PKHD1: variants seen among roughly 807,000 people sequenced by gnomAD.
PKHD1 encodes PKHD1 ciliary IPT domain containing fibrocystin/polyductin.
Under a neutral mutation model 412.0 loss-of-function variants are expected in PKHD1, and 291 were observed. The observed-to-expected ratio is 0.71, with a 90% CI of 0.64 to 0.78. The LOEUF is 0.78. Among genes scored for constraint, PKHD1 ranks in the 30% least tolerant of loss-of-function variants. PKHD1 has a pLI of 0.00. For synonymous variants in PKHD1, 1,777 were observed against 1,821.5 expected (o/e 0.98, Z 0.62); for missense variants, 4,825 against 4,950.7 (o/e 0.97, Z 0.76).
At position 52,082,473 on chromosome 6, in the gene PKHD1, A is replaced by G. The variant is rs1467422552; in HGVS notation, c.200T>C (p.Met67Thr). Reference sequence around the variant, plus strand: ...AACACTCCGCAGTGCGGGCACCACCATGTTCACGTTCACCAGGTGTATCTC... The same window carrying G: ...AACACTCCGCAGTGCGGGCACCACCGTGTTCACGTTCACCAGGTGTATCTC... ...QLEIHLVNVN[M>T]VVPALRSVPC... The change falls in exon 4 of 67, where the codon ATG (methionine) becomes ACG (threonine). Residue 67 changes from methionine (M) to threonine (T), a missense_variant. Met to Thr is a moderately conservative substitution (Grantham distance 81). Coordinates refer to ENST00000371117, the MANE Select transcript of PKHD1 (RefSeq NM_138694.4). 6.2e-7 allele frequency: 1 copy of G among 1,613,958 alleles called. No individual in the cohort carries two copies. Among genetic ancestry groups the G allele is most frequent in the South Asian group, 1.1e-5 (1 of 91,074 alleles).
chr6:52,003,182 T>C (rs891818405), intron 35 of PKHD1, among the ~76,000 whole-genome samples: 4 of 152,198 alleles, frequency 2.6e-5, no homozygotes, highest in Non-Finnish European at 5.9e-5. Flanking sequence ...GAGATATGCA[T>C]TGAAGAGTCT....
intron 35 of PKHD1, among the ~76,000 whole-genome samples, chr6:51,982,258 A>C (rs1795505237): frequency 2.2e-5 from 1 of 45,124 alleles, no homozygotes; most frequent in East Asian, 5.7e-4. Context: ...AGCCGCCCCT[A>C]CTGGGAAGTG....
chr6:51,991,226 A>G (rs150342439), intron 35 of PKHD1, among the ~76,000 whole-genome samples: 1 of 152,374 alleles, frequency 6.6e-6, no homozygotes, highest in African/African-American at 2.4e-5. Flanking sequence ...CCTTATAAAC[A>G]TAAACTTTAA....
intron 53 of PKHD1, 114 bp downstream of exon 53, chr6:51,791,122 A>T: frequency 9.6e-7 from 1 of 1,043,448 alleles, no homozygotes; most frequent in Non-Finnish European, 1.5e-6. Flanking sequence ...CTACTACCTT[A>T]ACCCTCCCTA....
intron 60 of PKHD1, among the ~76,000 whole-genome samples, chr6:51,733,231 A>C (rs547032460): frequency 8.5e-4 from 129 of 152,246 alleles, no homozygotes; most frequent in African/African-American, 2.7e-3. Context: ...AATACCACTG[A>C]ACTGTACACT....
At chr6:51,951,711 A>G (rs768158090) in intron 36 of PKHD1, among the ~76,000 whole-genome samples, 31 of 152,138 alleles carry the variant, frequency 2.0e-4, no homozygotes, top group Admixed American at 2.0e-3. Context: ...AGTCCCCAAC[A>G]TATTTTTATC....
chr6:52,050,382 T>C (rs183755619), intron 21 of PKHD1, 87 bp from the exon 22 acceptor site: 52 of 1,308,266 alleles, frequency 4.0e-5, no homozygotes, highest in Non-Finnish European at 4.7e-5. Context: ...TGTGAGTTAC[T>C]CAGATCTCAG....
chr6:51,932,766 A>G lies in PKHD1; in HGVS notation c.6121+1344T>C, dbSNP rs887435242. On this transcript the variant is annotated intron_variant, in intron 37 of 66. Transcript: ENST00000371117. ...GGTATTTTTAACCTCACAAAATTTGATCCCCAGTGTCTAGCACACTGGGTA... is the reference window on the plus strand; with the variant it reads ...GGTATTTTTAACCTCACAAAATTTGGTCCCCAGTGTCTAGCACACTGGGTA... Among the ~76,000 whole-genome samples the G allele has an allele frequency of 1.3e-4, 20 of 152,162 alleles. 1 individual carries two copies. Among genetic ancestry groups the G allele is most frequent in the African/African-American group, 4.8e-4 (20 of 41,448 alleles).
At chr6:52,023,029 C>T in intron 32 of PKHD1, 85 bp from the exon 33 acceptor site, 4 of 1,480,126 alleles carry the variant, frequency 2.7e-6, no homozygotes, top group Non-Finnish European at 3.8e-6. Flanking sequence ...TTTGCTTCCT[C>T]ACTACCCATT....
chr6:51,904,502 AT>A (rs1414863253), intron 41 of PKHD1, among the ~76,000 whole-genome samples: 3 of 152,104 alleles, frequency 2.0e-5, no homozygotes, highest in Admixed American at 6.6e-5. Context: ...TAATAGAGAA[AT>A]TAGTCACTTA....
chr6:51,701,864 G>A (rs1466389502), intron 60 of PKHD1, among the ~76,000 whole-genome samples: 1 of 151,486 alleles, frequency 6.6e-6, no homozygotes, highest in Non-Finnish European at 1.5e-5. Context: ...TGGCCAAGAG[G>A]AAAAATCAAG....
At chr6:51,815,409 C>T (rs1765289863) in intron 52 of PKHD1, among the ~76,000 whole-genome samples, 1 of 151,656 alleles carries the variant, frequency 6.6e-6, no homozygotes, top group Admixed American at 6.6e-5. Context: ...AGAAGAGGTG[C>T]CACCAAGTTG....
rs1405636454 is a variant in PKHD1 at position 52,010,360 on chromosome 6, T to A, written c.5700A>T (p.Pro1900=). Residue 1900 remains proline, a synonymous_variant, in exon 35 of 67, where the codon CCA becomes CCT. Transcript: ENST00000371117. Reference sequence around the variant, plus strand: ...GTATCTCAGTAATCTTGACGGTAATTGGCTGATTGGGCGTCTCACACTCCA... The same window carrying A: ...GTATCTCAGTAATCTTGACGGTAATAGGCTGATTGGGCGTCTCACACTCCA... ...AEMECETPNQ[P]ITVKITEIRK... 4 of 1,613,768 alleles carry A rather than the reference T, an allele frequency of 2.5e-6. No individual in the cohort carries two copies. Among genetic ancestry groups the A allele is most frequent in the Non-Finnish European group, 3.4e-6 (4 of 1,179,718 alleles).
chr6:52,072,627 A>G (rs896358621), intron 7 of PKHD1, among the ~76,000 whole-genome samples: 1 of 152,168 alleles, frequency 6.6e-6, no homozygotes, highest in Non-Finnish European at 1.5e-5. Context: ...TAAGTTGACC[A>G]TTGCTTAATG....
intron 34 of PKHD1, among the ~76,000 whole-genome samples, chr6:52,015,104 A>T (rs1056310537): frequency 6.6e-6 from 1 of 152,170 alleles, no homozygotes; most frequent in Non-Finnish European, 1.5e-5. Context: ...GATCAAATTG[A>T]TATACTCTTT....
chr6:52,022,858 G>A lies in PKHD1; in HGVS notation c.5323C>T (p.Arg1775Ter), dbSNP rs770522674. 14 of 1,613,944 alleles carry A rather than the reference G, an allele frequency of 8.7e-6. No individual in the cohort carries two copies. The highest frequency in any genetic ancestry group is 1.1e-5 in the South Asian group (1 of 91,078). The change falls in exon 33 of 67, where the codon CGA becomes TGA. Residue 1775 changes from arginine to a stop codon, truncating the protein, a stop_gained. Transcript: ENST00000371117. LOFTEE classifies it high-confidence loss of function. Reference protein sequence around the residue: ...VSAAVCGAPCRVLANATVSAF... With the variant: ...VSAAVCGAPC ...GACACTGTAGCATTAGCCAGGACTC[G>A]GCAGGGAGCACCACACACAGCAGCT...
chr6:51,776,540 C>T (rs1791056194), intron 53 of PKHD1, among the ~76,000 whole-genome samples: 5 of 151,948 alleles, frequency 3.3e-5, no homozygotes, highest in Admixed American at 2.0e-4. Context: ...GCTAGATAAC[C>T]TTCAAATCTC....
At chr6:51,785,553 G>C (rs560515080) in intron 53 of PKHD1, among the ~76,000 whole-genome samples, 79 of 152,264 alleles carry the variant, frequency 5.2e-4, no homozygotes, top group Non-Finnish European at 9.9e-4. Flanking sequence ...AAAACAAAAA[G>C]CTGGAATAAG....
intron 65 of PKHD1, among the ~76,000 whole-genome samples, chr6:51,629,132 AC>A (rs1306307938): frequency 1.3e-5 from 2 of 152,122 alleles, no homozygotes; most frequent in African/African-American, 4.8e-5. Flanking sequence ...CCTAAGAAAT[AC>A]CAATCTGGAC....
Sources: gnomAD v4.1 joint callset for allele counts (sites outside exome capture counted in the v4.1 genomes callset) on GRCh38, gnomAD v4.1.1 for gene constraint, MANE v1.5 for transcripts, NCBI Gene and HGNC (gene_info 2026-07-23, HGNC 2026-07-21) for gene names.